The following TBC1D22A variants were observed in gnomAD, a reference collection of about 807,000 sequenced individuals.
The protein encoded by TBC1D22A is TBC1 domain family member 22A.
In TBC1D22A, 38 loss-of-function variants were observed where a neutral mutation model predicts 60.2. That is an observed-to-expected ratio of 0.63 (90% CI 0.49 to 0.83). TBC1D22A has a LOEUF of 0.83. TBC1D22A is among the 40% of genes least tolerant of loss of function. TBC1D22A has a pLI of 0.00. For missense variants in TBC1D22A, 628 were observed against 701.0 expected (o/e 0.90, Z 1.18); for synonymous variants, 302 against 281.7 (o/e 1.07, Z -0.72).
At chr22:46,826,341 A>C (rs1024180107) in intron 4 of TBC1D22A, among the ~76,000 whole-genome samples, 1 of 152,072 alleles carries the variant, frequency 6.6e-6, no homozygotes, top group African/African-American at 2.4e-5. Context: ...TTCCCATTAA[A>C]CACTGCCTCA....
intron 12 of TBC1D22A, among the ~76,000 whole-genome samples, chr22:47,126,460 C>T (rs941271036): frequency 2.6e-5 from 4 of 152,192 alleles, no homozygotes; most frequent in Non-Finnish European, 2.9e-5. Flanking sequence ...ACGTAGGCCC[C>T]GCCGGGGCCC....
chr22:47,159,023 CACACACACACCATGTAT>C (rs1003451869), intron 12 of TBC1D22A, among the ~76,000 whole-genome samples: 8 of 137,984 alleles, frequency 5.8e-5, no homozygotes, highest in South Asian at 4.2e-4. Context: ...CATATATACA[CACACACACACCATGTAT>C]ACACACACAC....
At chr22:47,091,039 G>A (rs1236731624) in intron 11 of TBC1D22A, among the ~76,000 whole-genome samples, 16 of 99,088 alleles carry the variant, frequency 1.6e-4, no homozygotes, top group South Asian at 4.1e-4. Context: ...ATGAGAAGTC[G>A]TCTTTGGGGG....
intron 11 of TBC1D22A, among the ~76,000 whole-genome samples, chr22:47,099,821 C>G (rs886735006): frequency 6.6e-6 from 1 of 152,220 alleles, no homozygotes; most frequent in Non-Finnish European, 1.5e-5. Context: ...GTGTTCCACA[C>G]CACCCTCCAG....
Position 47,034,520 on chromosome 22 carries a change from C to T in TBC1D22A, c.1202-2551C>T, listed in dbSNP as rs139267397. Among the ~76,000 whole-genome samples, 542 of 152,296 alleles carry T rather than the reference C, an allele frequency of 3.6e-3. 3 individuals carry two copies. The highest frequency in any genetic ancestry group is 0.011 in the African/African-American group (452 of 41,552). On this transcript the variant is annotated intron_variant, in intron 10 of 12. Coordinates refer to ENST00000337137, the MANE Select transcript of TBC1D22A (RefSeq NM_014346.5). ...GAGGAAGATGAAGACACGATGATGT[C>T]CAGCCCTGTTTGGGAATCCCTGAGG... is the stretch of plus-strand genomic sequence containing the variant.
chr22:46,891,464 T>C, intron 6 of TBC1D22A, 70 bp downstream of exon 6: 2 of 1,490,156 alleles, frequency 1.3e-6, no homozygotes, highest in African/African-American at 1.4e-5. Context: ...TAGGAGGAAA[T>C]GTTTTATCAA....
chr22:46,857,696 GCTTT>G (rs917817760), intron 4 of TBC1D22A, among the ~76,000 whole-genome samples: 3 of 151,578 alleles, frequency 2.0e-5, no homozygotes, highest in African/African-American at 4.9e-5. Context: ...CCAGGAATCT[GCTTT>G]CTGTCTCTGT....
chr22:46,793,936 A>G, intron 3 of TBC1D22A, 95 bp downstream of exon 3: 1 of 1,233,714 alleles, frequency 8.1e-7, no homozygotes, highest in Non-Finnish European at 1.1e-6. Flanking sequence ...GTGGGTTCCC[A>G]TCCTCATTTG....
At chr22:47,062,157 G>A (rs1406035959) in intron 11 of TBC1D22A, among the ~76,000 whole-genome samples, 1 of 150,100 alleles carries the variant, frequency 6.7e-6, no homozygotes, top group African/African-American at 2.5e-5. Context: ...CTGTCAGTCA[G>A]AACGCGGATT....
chr22:46,801,811 T>C (rs944528583), intron 4 of TBC1D22A, among the ~76,000 whole-genome samples: 4 of 152,204 alleles, frequency 2.6e-5, no homozygotes, highest in Admixed American at 2.6e-4. Context: ...CCCTGAGGGG[T>C]GACCATCCAG....
At chr22:46,846,493 G>A (rs1291051864) in intron 4 of TBC1D22A, among the ~76,000 whole-genome samples, 2 of 152,180 alleles carry the variant, frequency 1.3e-5, no homozygotes, top group African/African-American at 2.4e-5. Flanking sequence ...TCTGCTCCTC[G>A]GGAAATGGAC....
intron 11 of TBC1D22A, 101 bp downstream of exon 11, chr22:47,037,299 T>C: frequency 6.7e-7 from 1 of 1,495,100 alleles, no homozygotes; most frequent in Non-Finnish European, 9.1e-7. Context: ...CGATTTTTTC[T>C]TCCAAGCGCT....
chr22:47,066,684 G>A (rs1033343625), intron 11 of TBC1D22A, among the ~76,000 whole-genome samples: 7 of 152,206 alleles, frequency 4.6e-5, no homozygotes. Flanking sequence ...CAGCTCGGGA[G>A]GCAGCACTTG....
At chr22:46,938,171 G>A (rs960159311) in intron 8 of TBC1D22A, among the ~76,000 whole-genome samples, 2 of 152,126 alleles carry the variant, frequency 1.3e-5, no homozygotes, top group Non-Finnish European at 2.9e-5. Context: ...AGTCCTGCAC[G>A]CCCCACTCAT....
chr22:47,113,496 C>T (rs886296825), intron 12 of TBC1D22A, among the ~76,000 whole-genome samples: 1 of 152,168 alleles, frequency 6.6e-6, no homozygotes, highest in South Asian at 2.1e-4. Context: ...TAACAACAGA[C>T]CATGTCTCAT....
At chr22:47,130,739 G>C (rs1458518051) in intron 12 of TBC1D22A, among the ~76,000 whole-genome samples, 5 of 152,136 alleles carry the variant, frequency 3.3e-5, no homozygotes, top group African/African-American at 7.2e-5. Flanking sequence ...TCATCTCTAA[G>C]ATTTTTCTGT....
intron 12 of TBC1D22A, among the ~76,000 whole-genome samples, chr22:47,126,836 G>C (rs2066476314): frequency 6.6e-6 from 1 of 152,224 alleles, no homozygotes. Context: ...GGGACTGTGA[G>C]TGGGAGGAGT....
intron 4 of TBC1D22A, among the ~76,000 whole-genome samples, chr22:46,868,060 A>G (rs929306915): frequency 3.9e-5 from 6 of 152,242 alleles, no homozygotes; most frequent in African/African-American, 1.4e-4. Flanking sequence ...CCGTTGCTTT[A>G]CAGCGGGTGC....
intron 4 of TBC1D22A, among the ~76,000 whole-genome samples, chr22:46,822,812 G>A (rs1301825577): frequency 6.6e-6 from 1 of 152,128 alleles, no homozygotes; most frequent in African/African-American, 2.4e-5. Flanking sequence ...CACTTGTCTG[G>A]GCTAAGGGTT....
Sources: allele counts gnomAD v4.1 joint callset (sites outside exome capture counted in the v4.1 genomes callset), GRCh38; gene constraint gnomAD v4.1.1; transcripts MANE v1.5; gene names NCBI Gene and HGNC (gene_info 2026-07-23, HGNC 2026-07-21).